Variants in FOXN2 observed in about 807,000 individuals in gnomAD.
The protein encoded by FOXN2 is forkhead box N2, also known as forkhead box protein N2.
FOXN2 carries 19 observed loss-of-function variants against 41.2 expected under a neutral mutation model. The observed-to-expected ratio is 0.46, with a 90% CI of 0.32 to 0.68. The LOEUF is 0.68. Among genes scored for constraint, FOXN2 ranks in the 30% least tolerant of loss-of-function variants. FOXN2 has a pLI of 0.03. For missense variants in FOXN2, 587 were observed against 509.4 expected (o/e 1.15, Z -1.47); for synonymous variants, 195 against 176.8 (o/e 1.10, Z -0.82).
rs375305845 is a variant in FOXN2, at chr2:48,375,008, A to G, written c.861A>G (p.Gln287=). 1.2e-6 allele frequency: 2 copies of G among 1,614,072 alleles called. No homozygotes were observed. The highest frequency in any genetic ancestry group is 3.3e-5 in the Admixed American group (2 of 59,982). The change falls in exon 7 of 7, where the codon CAA becomes CAG. Residue 287 remains glutamine (Q), a synonymous_variant. Transcript: ENST00000340553. The stretch of plus-strand genomic sequence containing the variant: ...ATCATCCCAGTGCTGTACGATTACA[A>G]GAGAGTGATTCTTTAGCCACCAGCA... ...AFHHPSAVRL[Q]ESDSLATSID...
intron 5 of FOXN2, among the ~76,000 whole-genome samples, chr2:48,366,467 A>T (rs1672544704): frequency 6.6e-6 from 1 of 152,116 alleles, no homozygotes; most frequent in Non-Finnish European, 1.5e-5. Flanking sequence ...TCATAACAAT[A>T]GAGAGAGTTG....
intron 3 of FOXN2, among the ~76,000 whole-genome samples, chr2:48,352,847 C>G (rs1671541768): frequency 6.6e-6 from 1 of 152,036 alleles, no homozygotes; most frequent in Admixed American, 6.6e-5. Flanking sequence ...GTCTAGAAAG[C>G]CTGTCAAAGC....
intron 3 of FOXN2, among the ~76,000 whole-genome samples, chr2:48,350,337 G>C (rs936939636): frequency 1.3e-5 from 2 of 152,208 alleles, no homozygotes; most frequent in African/African-American, 4.8e-5. Context: ...CCCAGTGGCA[G>C]CAGTTCTCTG....
At chr2:48,316,842 A>G (rs1668949645) in intron 1 of FOXN2, among the ~76,000 whole-genome samples, 1 of 152,236 alleles carries the variant, frequency 6.6e-6, no homozygotes, top group Non-Finnish European at 1.5e-5. Context: ...ATGTTAAACC[A>G]CAGGAACCAT....
intron 3 of FOXN2, among the ~76,000 whole-genome samples, chr2:48,347,533 T>TTGTGTGTGTGTGTG (rs113177559): frequency 6.1e-5 from 9 of 148,020 alleles, no homozygotes; most frequent in African/African-American, 2.2e-4. Flanking sequence ...AGCCGAGGTG[T>TTGTGTGTGTGTGTG]TGTGTGTGTG....
chr2:48,324,902 T>C (rs1000272372), intron 1 of FOXN2, among the ~76,000 whole-genome samples: 1 of 152,172 alleles, frequency 6.6e-6, no homozygotes, highest in Non-Finnish European at 1.5e-5. Context: ...GGGAATTATG[T>C]GGAGGAGTTG....
intron 3 of FOXN2, among the ~76,000 whole-genome samples, chr2:48,349,442 C>T (rs1671313564): frequency 6.6e-6 from 1 of 152,090 alleles, no homozygotes; most frequent in African/African-American, 2.4e-5. Flanking sequence ...TGTGCCAGTG[C>T]ACTCCAGTCT....
chr2:48,343,587 CTG>C (rs1412478555), intron 2 of FOXN2, among the ~76,000 whole-genome samples: 2 of 152,034 alleles, frequency 1.3e-5, no homozygotes, highest in Non-Finnish European at 2.9e-5. Context: ...TAGCAAGACT[CTG>C]TTTCTATAAA....
chr2:48,338,750 A>G (rs1272427581), intron 2 of FOXN2, among the ~76,000 whole-genome samples: 1 of 152,212 alleles, frequency 6.6e-6, no homozygotes, highest in Non-Finnish European at 1.5e-5. Flanking sequence ...TATGTGAAAG[A>G]TGAAATTGGA....
chr2:48,350,060 C>G (rs748120579), intron 3 of FOXN2, among the ~76,000 whole-genome samples: 1 of 152,182 alleles, frequency 6.6e-6, no homozygotes, highest in South Asian at 2.1e-4. Context: ...AAGAGAAACC[C>G]TTATGAATGA....
intron 3 of FOXN2, among the ~76,000 whole-genome samples, chr2:48,356,099 G>C (rs1671773983): frequency 6.6e-6 from 1 of 151,850 alleles, no homozygotes; most frequent in South Asian, 2.1e-4. Flanking sequence ...ATTCCATCCT[G>C]GATGACAGAG....
intron 3 of FOXN2, among the ~76,000 whole-genome samples, chr2:48,356,107 G>C (rs543122795): frequency 2.6e-5 from 4 of 151,450 alleles, no homozygotes; most frequent in Non-Finnish European, 5.9e-5. Context: ...CTGGATGACA[G>C]AGCAAGACTC....
At chr2:48,367,673 C>G (rs1415869882) in intron 5 of FOXN2, among the ~76,000 whole-genome samples, 1 of 152,148 alleles carries the variant, frequency 6.6e-6, no homozygotes, top group African/African-American at 2.4e-5. Flanking sequence ...ATTCCTTACA[C>G]AAATGGACTG....
intron 4 of FOXN2, 30 bp downstream of exon 4, chr2:48,359,177 T>C (rs1558634421): frequency 6.7e-7 from 1 of 1,502,422 alleles, no homozygotes; most frequent in Non-Finnish European, 9.3e-7. Flanking sequence ...CTGTCAGTGG[T>C]GATTTATAGG....
intron 2 of FOXN2, among the ~76,000 whole-genome samples, chr2:48,329,523 T>G (rs1227483691): frequency 6.6e-6 from 1 of 152,126 alleles, no homozygotes; most frequent in Non-Finnish European, 1.5e-5. Context: ...CCCCCTTGAC[T>G]AGAAAATGCA....
intron 1 of FOXN2, among the ~76,000 whole-genome samples, chr2:48,315,369 CG>C (rs1383970311): frequency 6.6e-6 from 1 of 152,152 alleles, no homozygotes; most frequent in African/African-American, 2.4e-5. Context: ...CGGGGGCGGC[CG>C]GGCGTTGTGG....
chr2:48,337,175 T>C (rs1425034516), intron 2 of FOXN2, among the ~76,000 whole-genome samples: 1 of 152,148 alleles, frequency 6.6e-6, no homozygotes, highest in African/African-American at 2.4e-5. Context: ...TCAATTCATT[T>C]GATTTTTAGA....
At chr2:48,322,379 G>A (rs1572694726) in intron 1 of FOXN2, among the ~76,000 whole-genome samples, 1 of 152,136 alleles carries the variant, frequency 6.6e-6, no homozygotes, top group African/African-American at 2.4e-5. Context: ...GCTAGCACCT[G>A]TGTAACCCTG....
At chr2:48,327,606 C>T (rs1263001106) in intron 1 of FOXN2, among the ~76,000 whole-genome samples, 3 of 152,084 alleles carry the variant, frequency 2.0e-5, no homozygotes, top group Non-Finnish European at 2.9e-5. Flanking sequence ...CCACCACGCC[C>T]AGCTAATTTT....
Sources: allele counts gnomAD v4.1 joint callset (sites outside exome capture counted in the v4.1 genomes callset), GRCh38; gene constraint gnomAD v4.1.1; transcripts MANE v1.5; gene names NCBI Gene and HGNC (gene_info 2026-07-23, HGNC 2026-07-21).